Variants in VPS50 observed in about 807,000 individuals in gnomAD.
VPS50 encodes syndetin.
A neutral mutation model predicts 139.7 loss-of-function variants in VPS50; 70 were observed. The observed-to-expected ratio is 0.50, with a 90% CI of 0.41 to 0.61. VPS50 has a LOEUF of 0.61. Among genes scored for constraint, VPS50 ranks in the 20% least tolerant of loss-of-function variants. The pLI is 0.00. For synonymous variants in VPS50, 365 were observed against 376.7 expected, an observed-to-expected ratio of 0.97 and a Z score of 0.36; for missense variants, 921 against 1,133.7, an observed-to-expected ratio of 0.81 and a Z score of 2.69.
At chr7:93,282,867 A>T (rs1050600877) in intron 12 of VPS50, among the ~76,000 whole-genome samples, 18 of 152,230 alleles carry the variant, frequency 1.2e-4, no homozygotes, top group Non-Finnish European at 2.2e-4. Flanking sequence ...TGAACTAAGA[A>T]TTCAGCTGTC....
intron 21 of VPS50, among the ~76,000 whole-genome samples, chr7:93,330,774 A>AC (rs1332936647): frequency 6.6e-6 from 1 of 151,266 alleles, no homozygotes; most frequent in Non-Finnish European, 1.5e-5. Context: ...AAAAAAAAAA[A>AC]AAAAAAAACC....
intron 1 of VPS50, among the ~76,000 whole-genome samples, chr7:93,232,785 A>G (rs1342724211): frequency 6.6e-6 from 1 of 152,164 alleles, no homozygotes; most frequent in Non-Finnish European, 1.5e-5. Flanking sequence ...CCGTCTTTCC[A>G]GAACAGCCCG....
chr7:93,327,476 T>C (rs1797816462), intron 21 of VPS50, among the ~76,000 whole-genome samples: 3 of 152,198 alleles, frequency 2.0e-5, no homozygotes, highest in Non-Finnish European at 4.4e-5. Flanking sequence ...TGGCATTTAC[T>C]AGTACCCCAG....
chr7:93,257,576 A>C, intron 6 of VPS50, 112 bp downstream of exon 6: 3 of 623,336 alleles, frequency 4.8e-6, no homozygotes, highest in Non-Finnish European at 8.2e-6. Context: ...TTTCTAGAAT[A>C]TCATTCCTTA....
rs1322601496 is a variant in VPS50 at position 93,233,614 on chromosome 7, A to G, written c.33+1114A>G. ...TGTTAATGTTATGAAAATATAATCAAAATGTTCTGTGAATAATAAAAATAT... is the reference window on the plus strand; with the variant it reads ...TGTTAATGTTATGAAAATATAATCAGAATGTTCTGTGAATAATAAAAATAT... On this transcript the variant is annotated intron_variant, in intron 1 of 27. Coordinates refer to ENST00000305866, the MANE Select transcript of VPS50 (RefSeq NM_017667.4). Among the ~76,000 whole-genome samples, 3 of 152,228 alleles carry G rather than the reference A, an allele frequency of 2.0e-5. No individual in the cohort carries two copies. The South Asian group carries it at 6.2e-4, about 31-fold the overall frequency.
chr7:93,235,908 G>C (rs1241166257), intron 1 of VPS50, among the ~76,000 whole-genome samples: 1 of 152,198 alleles, frequency 6.6e-6, no homozygotes, highest in Non-Finnish European at 1.5e-5. Context: ...AGTGGAATGA[G>C]TGTAGATATA....
rs758851279 is a variant in VPS50 at position 93,323,671 on chromosome 7, T to C, written c.1916T>C (p.Met639Thr). 2 of 1,382,146 alleles carry C rather than the reference T, an allele frequency of 1.4e-6. No homozygotes were observed. The highest frequency in any genetic ancestry group is 3.0e-5 in the African/African-American group (2 of 67,230). 85.6% of individuals were successfully genotyped at this position (1,382,146 alleles called of 1,614,324 possible). The change falls in exon 21 of 28, where the codon ATG becomes ACG. Residue 639 changes from methionine (M) to threonine (T), a missense_variant. Physicochemically the swap from Met to Thr is moderately conservative, Grantham distance 81. This residue lies in a region of VPS50 where 744 missense variants were observed against 930.6 expected (regional missense o/e 0.80). Coordinates refer to ENST00000305866, the MANE Select transcript of VPS50 (RefSeq NM_017667.4). ...KPIAFDVIHF[M>T]SQLFDYYLYA... The stretch of plus-strand genomic sequence containing the variant: ...ATTGCCTTTGATGTTATTCATTTCA[T>C]GTCTCAACTATTTGATTATTACTTG...
intron 21 of VPS50, among the ~76,000 whole-genome samples, chr7:93,332,479 T>A (rs1269012197): frequency 6.6e-6 from 1 of 152,160 alleles, no homozygotes; most frequent in African/African-American, 2.4e-5. Context: ...GTTTAGTCCA[T>A]GACATGGAAC....
At chr7:93,291,577 A>T (rs1324869074) in intron 12 of VPS50, 126 bp from the exon 13 acceptor site, 1 of 505,512 alleles carries the variant, frequency 2.0e-6, no homozygotes, top group Non-Finnish European at 3.3e-6. Flanking sequence ...CTCTTTAGAT[A>T]TGTCAGTTGA....
At chr7:93,238,484 A>G (rs1794885414) in intron 1 of VPS50, among the ~76,000 whole-genome samples, 2 of 152,168 alleles carry the variant, frequency 1.3e-5, no homozygotes, top group Admixed American at 6.5e-5. Flanking sequence ...TGCAGAGGCA[A>G]ATAGGACTTT....
intron 20 of VPS50, among the ~76,000 whole-genome samples, chr7:93,313,853 A>T (rs977415135): frequency 5.9e-5 from 9 of 152,212 alleles, no homozygotes; most frequent in African/African-American, 2.2e-4. Flanking sequence ...CCACTACCAT[A>T]TCTTTTACTG....
At chr7:93,259,681 T>A in intron 9 of VPS50, 49 bp downstream of exon 9, 1 of 902,108 alleles carries the variant, frequency 1.1e-6, no homozygotes, top group East Asian at 2.4e-5. Flanking sequence ...CAGCTTCTTA[T>A]GTAGCAGCTG....
rs541591989 is a variant in VPS50 at position 93,299,084 on chromosome 7, G to A, written c.1361+1841G>A. ...ACAGCAAAAATTTAATTATTACTTA[G>A]TATTCTTCTTTTTCCCTAGTATTTA... On this transcript the variant is annotated intron_variant, in intron 16 of 27. Transcript: ENST00000305866. Among the ~76,000 whole-genome samples the A allele has an allele frequency of 2.2e-4, 34 of 152,222 alleles. No individual in the cohort carries two copies. In the South Asian group the frequency reaches 7.0e-3, roughly 32 times the overall value.
At chr7:93,268,153 A>G (rs538753078) in intron 9 of VPS50, among the ~76,000 whole-genome samples, 2 of 152,288 alleles carry the variant, frequency 1.3e-5, no homozygotes, top group East Asian at 3.9e-4. Context: ...TGTCTGCCAA[A>G]TCATATAGAA....
chr7:93,244,505 A>G (rs1795092904), intron 2 of VPS50, among the ~76,000 whole-genome samples: 1 of 151,886 alleles, frequency 6.6e-6, no homozygotes, highest in Non-Finnish European at 1.5e-5. Context: ...CAGTTTCTTC[A>G]TTTGTGAAAA....
chr7:93,324,486 T>C (rs1584470583), intron 21 of VPS50, among the ~76,000 whole-genome samples: 1 of 152,222 alleles, frequency 6.6e-6, no homozygotes, highest in Non-Finnish European at 1.5e-5. Context: ...TATTGAGAGT[T>C]TTTAGCATGA....
At chr7:93,351,969 T>G (rs762637653) in intron 25 of VPS50, among the ~76,000 whole-genome samples, 1 of 152,218 alleles carries the variant, frequency 6.6e-6, no homozygotes, top group African/African-American at 2.4e-5. Flanking sequence ...TAAAGGTTAA[T>G]TATCTGTGAT....
intron 13 of VPS50, among the ~76,000 whole-genome samples, chr7:93,292,846 G>C (rs537125856): frequency 1.3e-5 from 2 of 152,182 alleles, no homozygotes; most frequent in East Asian, 3.9e-4. Flanking sequence ...GAGAGTAAAG[G>C]AAGGGAGAGA....
intron 20 of VPS50, among the ~76,000 whole-genome samples, chr7:93,315,699 A>G (rs542125713): frequency 9.5e-4 from 144 of 152,320 alleles, no homozygotes; most frequent in African/African-American, 3.3e-3. Context: ...AGACATTTCT[A>G]TTTACTTGCG....
Sources: allele counts gnomAD v4.1 joint callset (sites outside exome capture counted in the v4.1 genomes callset), GRCh38; gene constraint gnomAD v4.1.1; regional missense constraint gnomAD v4.1.1; transcripts MANE v1.5; gene names NCBI Gene and HGNC (gene_info 2026-07-23, HGNC 2026-07-21).